The following DSE variants were observed in gnomAD, a reference collection of about 807,000 sequenced individuals.
The protein encoded by DSE is dermatan sulfate epimerase.
A neutral mutation model predicts 84.4 loss-of-function variants in DSE; 36 were observed. The observed-to-expected ratio is 0.43, with a 90% CI of 0.33 to 0.56. The LOEUF is 0.56. DSE is among the 20% of genes least tolerant of loss of function. The probability of loss-of-function intolerance (pLI) is 0.06; values close to 1 mark genes in which losing one functional copy is unlikely to be tolerated. For missense variants in DSE, 862 were observed against 1,169.6 expected (o/e 0.74, Z 3.84); for synonymous variants, 410 against 430.1 (o/e 0.95, Z 0.58).
rs189532979 is a variant in DSE at position 116,339,715 on chromosome 6, T to C, written c.-53-59483T>C. ...GAATTCGTATGACTTGGCAATTGAG[T>C]TTATAGTTGAGGAAGAAGGAAATGT... On this transcript the variant is annotated intron_variant, in intron 2 of 3. Coordinates refer to the DSE transcript ENST00000430252. Among the ~76,000 whole-genome samples, 115 of 152,100 alleles carry C rather than the reference T, an allele frequency of 7.6e-4. 2 individuals are homozygous for C. In the East Asian group the frequency reaches 0.012, roughly 16 times the overall value.
At chr6:116,386,426 A>G (rs1003808688) in intron 1 of DSE, among the ~76,000 whole-genome samples, 2 of 152,224 alleles carry the variant, frequency 1.3e-5, no homozygotes, top group Non-Finnish European at 2.9e-5. Context: ...CAGCCAAAGG[A>G]TACAGATTAA....
chr6:116,427,249 A>T lies in DSE; in HGVS notation c.670+422A>T, dbSNP rs1017909693. ...ACACCACTACTATTTTTTCCTCTTA[A>T]TATTTAAAACAACCAAACTGGATTA... is the stretch of plus-strand genomic sequence containing the variant. On this transcript the variant is annotated intron_variant, in intron 3 of 5. Coordinates refer to ENST00000644252, the MANE Select transcript of DSE (RefSeq NM_013352.4). Among the ~76,000 whole-genome samples, 3 of 152,236 alleles carry T rather than the reference A, an allele frequency of 2.0e-5. No homozygotes were observed. The East Asian group carries it at 5.8e-4, about 29-fold the overall frequency.
chr6:116,381,507 C>A (rs1344698744), intron 1 of DSE, among the ~76,000 whole-genome samples: 1 of 152,078 alleles, frequency 6.6e-6, no homozygotes, highest in East Asian at 1.9e-4. Flanking sequence ...GATCAGACTG[C>A]CTGCATTTAT....
At chr6:116,321,524 C>T (rs1380245300) in intron 2 of DSE, among the ~76,000 whole-genome samples, 2 of 152,214 alleles carry the variant, frequency 1.3e-5, no homozygotes, top group East Asian at 1.9e-4. Flanking sequence ...CACAGTGGCT[C>T]ATGCCTGTAA....
chr6:116,341,311 C>A (rs956373723), intron 2 of DSE, among the ~76,000 whole-genome samples: 4 of 152,064 alleles, frequency 2.6e-5, no homozygotes, highest in African/African-American at 9.7e-5. Context: ...TATCCTTCAC[C>A]CACTTTTCGA....
intron 2 of DSE, among the ~76,000 whole-genome samples, chr6:116,363,609 G>A (rs1779020526): frequency 1.3e-5 from 2 of 152,116 alleles, no homozygotes; most frequent in Non-Finnish European, 2.9e-5. Flanking sequence ...ATGGGTGAAA[G>A]TTTATTAAAG....
At chr6:116,423,830 T>C (rs1783251921) in intron 2 of DSE, among the ~76,000 whole-genome samples, 1 of 152,194 alleles carries the variant, frequency 6.6e-6, no homozygotes, top group Admixed American at 6.5e-5. Flanking sequence ...CTATTACAGG[T>C]CAGCTTTTCT....
intron 1 of DSE, among the ~76,000 whole-genome samples, chr6:116,388,490 A>G (rs1780697899): frequency 6.6e-6 from 1 of 152,220 alleles, no homozygotes; most frequent in South Asian, 2.1e-4. Context: ...AAACTATCAC[A>G]ACTGGTAAGA....
At chr6:116,279,735 C>T (rs760608095) in intron 2 of DSE, 1 of 1,611,874 alleles carries the variant, frequency 6.2e-7, no homozygotes, top group South Asian at 1.1e-5. Flanking sequence ...GCCTCAGGTA[C>T]TGGTGTGCGT....
Position 116,440,070 on chromosome 6 carries a change from A to G in DSE, c.*2725A>G, listed in dbSNP as rs1784380281. The G allele has an allele frequency of 6.6e-6, 1 of 151,938 alleles. No homozygotes were observed. The highest frequency in any genetic ancestry group is 1.5e-5 in the Non-Finnish European group (1 of 68,010). The allele number at this position is 151,938 out of a possible 1,614,324, so 9.4% of individuals were successfully genotyped here. On this transcript the variant is annotated 3_prime_UTR_variant, in exon 6 of 6. Coordinates refer to ENST00000644252, the MANE Select transcript of DSE (RefSeq NM_013352.4). Reference sequence around the variant, plus strand: ...TCAGAGAGAACATTCTTTTGACAACATTGTTTTAATCGTCAAAGTCAGGTG... The same window carrying G: ...TCAGAGAGAACATTCTTTTGACAACGTTGTTTTAATCGTCAAAGTCAGGTG...
chr6:116,419,772 G>A (rs879648944), intron 2 of DSE, among the ~76,000 whole-genome samples: 1 of 152,150 alleles, frequency 6.6e-6, no homozygotes, highest in African/African-American at 2.4e-5. Flanking sequence ...ACTATCTACT[G>A]TATAAAATCA....
intron 2 of DSE, among the ~76,000 whole-genome samples, chr6:116,334,031 A>G (rs1182171843): frequency 6.6e-6 from 1 of 152,096 alleles, no homozygotes; most frequent in Non-Finnish European, 1.5e-5. Flanking sequence ...TGCTATACTG[A>G]TCTCTCTCCT....
intron 2 of DSE, among the ~76,000 whole-genome samples, chr6:116,344,430 G>A (rs1270121391): frequency 2.0e-5 from 3 of 152,212 alleles, no homozygotes; most frequent in Non-Finnish European, 2.9e-5. Context: ...ACTAACAGCG[G>A]ATCTCTCGGC....
rs1231116205 is a variant in DSE, at chr6:116,399,655, G to T, written c.405G>T (p.Ala135=). Residue 135 remains alanine (A), a synonymous_variant, in exon 2 of 6, where the codon GCG becomes GCT. Transcript: ENST00000644252. ...AAGACTACATGGAGAGGATGGCAGC[G>T]CAGCCTAGTTGGTAGATTTTTGTCT... ...MAKDYMERMA[A]QPSWLVKDAP... The T allele has an allele frequency of 1.9e-6, 3 of 1,612,596 alleles. No individual in the cohort carries two copies. Among genetic ancestry groups the T allele is most frequent in the South Asian group, 1.1e-5 (1 of 90,988 alleles).
exon 1 of DSE, chr6:116,254,193 A>G (rs1772045010): frequency 2.7e-6 from 2 of 727,298 alleles, no homozygotes; most frequent in Non-Finnish European, 4.9e-6. Context: ...GACTACGCTT[A>G]TCAATCCATC....
At chr6:116,413,272 G>A (rs539806241) in intron 2 of DSE, among the ~76,000 whole-genome samples, 3 of 152,084 alleles carry the variant, frequency 2.0e-5, no homozygotes, top group Non-Finnish European at 2.9e-5. Context: ...ATTTCATTCC[G>A]TTAAAAATAT....
At chr6:116,370,186 A>ATC (rs201248481), upstream of DSE, 4 of 307,826 alleles carry the variant, frequency 1.3e-5, no homozygotes, top group South Asian at 2.8e-5. Context: ...TGCATGAGGG[A>ATC]TCTCTCTCTC....
chr6:116,419,946 A>AAATC (rs1782961633), intron 2 of DSE, among the ~76,000 whole-genome samples: 1 of 152,190 alleles, frequency 6.6e-6, no homozygotes, highest in Non-Finnish European at 1.5e-5. Context: ...TCTCATTTAA[A>AAATC]TACACTTTAA....
intron 2 of DSE, among the ~76,000 whole-genome samples, chr6:116,288,828 T>C (rs149000453): frequency 6.9e-4 from 105 of 152,140 alleles, no homozygotes; most frequent in Non-Finnish European, 9.3e-4. Context: ...GAAAAAGGTG[T>C]AGTTGCTGGA....
Sources: gnomAD v4.1 joint callset for allele counts (sites outside exome capture counted in the v4.1 genomes callset) on GRCh38, gnomAD v4.1.1 for gene constraint, MANE v1.5 for transcripts, NCBI Gene and HGNC (gene_info 2026-07-23, HGNC 2026-07-21) for gene names.